Variants in DICER1 observed in about 807,000 individuals in gnomAD.
DICER1 encodes endoribonuclease Dicer.
DICER1 carries 43 observed loss-of-function variants against 194.1 expected under a neutral mutation model. The observed-to-expected ratio is 0.22, with a 90% CI of 0.17 to 0.29. The LOEUF (loss-of-function observed/expected upper bound fraction) is 0.29. DICER1 is among the 10% of genes least tolerant of loss of function. The probability of loss-of-function intolerance (pLI) is 1.00; values close to 1 mark genes in which losing one functional copy is unlikely to be tolerated. For missense variants in DICER1, 1,608 were observed against 2,317.0 expected, an observed-to-expected ratio of 0.69 and a Z score of 6.28; for synonymous variants, 832 against 820.5, an observed-to-expected ratio of 1.01 and a Z score of -0.24.
rs1354352592 is a variant in DICER1 at position 95,130,202 on chromosome 14, A to T, written c.439-10T>A. 1 of 1,610,898 alleles carries T rather than the reference A, an allele frequency of 6.2e-7. No homozygotes were observed. On this transcript the variant is annotated splice_polypyrimidine_tract_variant and intron_variant, in intron 4 of 26. Coordinates refer to ENST00000343455, the MANE Select transcript of DICER1 (RefSeq NM_177438.3). ...AAGTCATAATGAGAACCTAAAATAA[A>T]ATCAACATCAGTAAACAAACATAGC...
In DICER1 at chr14:95,130,053, C is replaced by T. The variant is rs759475170; in HGVS notation, c.573+5G>A. The T allele has an allele frequency of 6.2e-7, 1 of 1,612,798 alleles. No homozygotes were observed. The highest frequency in any genetic ancestry group is 8.5e-7 in the Non-Finnish European group (1 of 1,179,414). ...GAATTACTAAGACTTAGGTCTAAAA[C>T]TTACCTTCATAATTTCTCGATAGGG... is the stretch of plus-strand genomic sequence containing the variant. On this transcript the variant is annotated splice_donor_5th_base_variant and intron_variant, in intron 5 of 26. Coordinates refer to ENST00000343455, the MANE Select transcript of DICER1 (RefSeq NM_177438.3).
At chr14:95,100,002 T>G (rs1336398820) in intron 21 of DICER1, 67 bp from the exon 22 acceptor site, 27 of 1,535,888 alleles carry the variant, frequency 1.8e-5, no homozygotes, top group Non-Finnish European at 2.4e-5. Context: ...CAAGGCATAT[T>G]AACATATCCT....
rs553016802 is a variant in DICER1, at chr14:95,116,687, C to T, written c.1518G>A (p.Arg506=). 5.0e-6 allele frequency: 8 copies of T among 1,613,376 alleles called. No homozygotes were observed. The East Asian group carries it at 1.8e-4, about 36-fold the overall frequency. ...AEFRKQEEVL[R]KFRAHETNLL... The stretch of plus-strand genomic sequence containing the variant: ...GGTTGGTCTCATGTGCTCGAAATTT[C>T]CTAAGTACCTGAAAAAAAAAATCCA... The change falls in exon 10 of 27, where the codon AGG becomes AGA. Residue 506 remains arginine, a synonymous_variant. Transcript: ENST00000343455.
chr14:95,155,191 A>G (rs1213236996), intron 1 of DICER1, among the ~76,000 whole-genome samples: 1 of 152,148 alleles, frequency 6.6e-6, no homozygotes, highest in African/African-American at 2.4e-5. Context: ...ATTAGAAGAG[A>G]ATGTACGTAG....
chr14:95,107,824 A>G, intron 16 of DICER1, 56 bp downstream of exon 16: 4 of 1,609,940 alleles, frequency 2.5e-6, no homozygotes, highest in South Asian at 2.2e-5. Flanking sequence ...TTCATACCAA[A>G]GCTGTATGTT....
chr14:95,128,851 T>C (rs1020504513), intron 6 of DICER1, among the ~76,000 whole-genome samples: 4 of 152,234 alleles, frequency 2.6e-5, no homozygotes, highest in African/African-American at 7.2e-5. Context: ...TGGAAGGCTA[T>C]TTTGACATAA....
At chr14:95,104,217 G>A (rs1891207735) in intron 20 of DICER1, 91 bp from the exon 21 acceptor site, 1 of 1,114,158 alleles carries the variant, frequency 9.0e-7, no homozygotes, top group South Asian at 1.4e-5. Context: ...CAAAAACAAA[G>A]ATCCCAAAAA....
At chr14:95,150,949 A>C (rs996660605) in intron 1 of DICER1, among the ~76,000 whole-genome samples, 3 of 152,158 alleles carry the variant, frequency 2.0e-5, no homozygotes, top group Non-Finnish European at 4.4e-5. Context: ...CTGCTACCTC[A>C]AACTCTTAGG....
chr14:95,110,852 G>A (rs1566781499), intron 14 of DICER1, among the ~76,000 whole-genome samples: 1 of 151,986 alleles, frequency 6.6e-6, no homozygotes, highest in African/African-American at 2.4e-5. Flanking sequence ...GCCCACACTG[G>A]GAATCTGACA....
rs762784970 is a variant in DICER1 at position 95,108,391 on chromosome 14, C to T, written c.2369G>A (p.Arg790Gln). 6.2e-7 allele frequency: 1 copy of T among 1,614,054 alleles called. No individual in the cohort carries two copies. The highest frequency in any genetic ancestry group is 8.5e-7 in the Non-Finnish European group (1 of 1,180,010). Reference sequence around the variant, plus strand: ...GGTATCTTCAGGAGGATAGAGCTTCCGCCTTCTAAAGTTGAGTTCATCAGG... The same window carrying T: ...GGTATCTTCAGGAGGATAGAGCTTCTGCCTTCTAAAGTTGAGTTCATCAGG... ...PLPDELNFRR[R>Q]KLYPPEDTTR... The change falls in exon 15 of 27, where the codon CGG (arginine) becomes CAG (glutamine). Residue 790 changes from arginine (R) to glutamine (Q), a missense_variant. By Grantham distance (43) the Arg-to-Gln change is conservative. Coordinates refer to ENST00000343455, the MANE Select transcript of DICER1 (RefSeq NM_177438.3).
rs1555374618 is a variant in DICER1, at chr14:95,124,230, C to T, written c.1342G>A (p.Val448Met). 6.2e-7 allele frequency: 1 copy of T among 1,613,848 alleles called. No homozygotes were observed. Among genetic ancestry groups the T allele is most frequent in the Non-Finnish European group, 8.5e-7 (1 of 1,180,014 alleles). ...FTNILCGIIF[V>M]ERRYTAVVLN... Reference sequence around the variant, plus strand: ...ACAACTGCTGTGTATCTTCTTTCCACAAAAATAATTCCGCACAAAATGTTG... The same window carrying T: ...ACAACTGCTGTGTATCTTCTTTCCATAAAAATAATTCCGCACAAAATGTTG... The change falls in exon 8 of 27, where the codon GTG becomes ATG. Residue 448 changes from valine to methionine, a missense_variant. Physicochemically the swap from Val to Met is conservative, Grantham distance 21 (BLOSUM62 1). This residue lies in a region of DICER1 where 657 missense variants were observed against 910.1 expected (regional missense o/e 0.72). Coordinates refer to ENST00000343455, the MANE Select transcript of DICER1 (RefSeq NM_177438.3). The surrounding 1 kb of genome is among the most constrained non-coding windows in gnomAD (Gnocchi z 4.5).
At chr14:95,143,009 T>G (rs151250440) in intron 1 of DICER1, among the ~76,000 whole-genome samples, 20 of 152,368 alleles carry the variant, frequency 1.3e-4, no homozygotes, top group Non-Finnish European at 2.1e-4. Context: ...TTATTAACTT[T>G]GCAAATATTA....
intron 11 of DICER1, among the ~76,000 whole-genome samples, chr14:95,114,623 G>A (rs548043650): frequency 8.5e-5 from 13 of 152,218 alleles, no homozygotes; most frequent in Admixed American, 3.9e-4. Flanking sequence ...ATTTTATACC[G>A]TCTCAAAGTA....
chr14:95,108,106 A>T lies in DICER1; in HGVS notation c.2437-13T>A. ...GAAAGTGTGGAATCTTAGCAAAAGGAAATGTAAAGCACCCCTCAAAATTAA... is the reference window on the plus strand; with the variant it reads ...GAAAGTGTGGAATCTTAGCAAAAGGTAATGTAAAGCACCCCTCAAAATTAA... On this transcript the variant is annotated splice_polypyrimidine_tract_variant and intron_variant, in intron 15 of 26. Transcript: ENST00000343455. 6.3e-7 allele frequency: 1 copy of T among 1,589,942 alleles called. No homozygotes were observed. Among genetic ancestry groups the T allele is most frequent in the Non-Finnish European group, 8.6e-7 (1 of 1,158,384 alleles).
At chr14:95,130,483 G>A (rs573650563) in intron 4 of DICER1, among the ~76,000 whole-genome samples, 2 of 152,344 alleles carry the variant, frequency 1.3e-5, no homozygotes, top group East Asian at 3.9e-4. Context: ...TATTATGACT[G>A]ATGAGATCTG....
Position 95,088,664 on chromosome 14 carries a change from G to T in DICER1, c.*1834C>A, listed in dbSNP as rs1016349557. On this transcript the variant is annotated 3_prime_UTR_variant, in exon 27 of 27. Coordinates refer to ENST00000343455, the MANE Select transcript of DICER1 (RefSeq NM_177438.3). The stretch of plus-strand genomic sequence containing the variant: ...GCTCAAAAACTCGTTTAATAATTTA[G>T]ATCTCAATTTAAGTTTAAGATTGGA... The T allele has an allele frequency of 6.5e-5, 15 of 232,452 alleles. No homozygotes were observed. The highest frequency in any genetic ancestry group is 6.1e-4 in the East Asian group (10 of 16,460). The allele number at this position is 232,452 out of a possible 1,614,324, so 14.4% of individuals were successfully genotyped here.
At chr14:95,141,893 T>C (rs373710036) in intron 1 of DICER1, 1 of 152,222 alleles carries the variant, frequency 6.6e-6, no homozygotes, top group African/African-American at 2.4e-5. Context: ...AACTGCCCTT[T>C]AAAATTGGGA....
chr14:95,096,694 G>T lies in DICER1; in HGVS notation c.4226C>A (p.Ala1409Glu), dbSNP rs776416084. Residue 1409 changes from alanine to glutamate, a missense_variant, in exon 23 of 27, where the codon GCG (alanine) becomes GAG (glutamate). By Grantham distance (107) the Ala-to-Glu change is moderately radical. This residue lies in a region of DICER1 where 164 missense variants were observed against 183.7 expected (regional missense o/e 0.89). Coordinates refer to ENST00000343455, the MANE Select transcript of DICER1 (RefSeq NM_177438.3). ...GTAATCCTCATCCAGTTTGCCATTC[G>T]CCAGCATGCAGTCTTTTGTCTGAAA... ...KDEMTKDCMLANGKLDEDYEE... is the reference protein window; with the variant it reads ...KDEMTKDCMLENGKLDEDYEE... 4 of 1,609,970 alleles carry T rather than the reference G, an allele frequency of 2.5e-6. No homozygotes were observed. The highest frequency in any genetic ancestry group is 3.4e-6 in the Non-Finnish European group (4 of 1,177,864).
chr14:95,137,728 C>T (rs1383431647), intron 1 of DICER1, among the ~76,000 whole-genome samples: 1 of 152,106 alleles, frequency 6.6e-6, no homozygotes, highest in Non-Finnish European at 1.5e-5. Flanking sequence ...TCCAAAAAAC[C>T]AGGGATGAGC....
Sources: gnomAD v4.1 joint callset for allele counts (sites outside exome capture counted in the v4.1 genomes callset) on GRCh38, gnomAD v4.1.1 for gene constraint, gnomAD v4.1.1 regional missense constraint, Gnocchi (gnomAD v3.1) non-coding constraint, MANE v1.5 for transcripts, NCBI Gene and HGNC (gene_info 2026-07-23, HGNC 2026-07-21) for gene names.